The following SOX7 variants were observed in gnomAD, a reference collection of about 807,000 sequenced individuals.
The protein encoded by SOX7 is SRY-box transcription factor 7.
In SOX7, 19 loss-of-function variants were observed where a neutral mutation model predicts 24.9. The observed-to-expected ratio is 0.76, with a 90% confidence interval of 0.53 to 1.12. SOX7 has a LOEUF of 1.12. Among genes scored for constraint, SOX7 ranks in the 50% most tolerant of loss-of-function variants. SOX7 has a pLI of 0.00. For missense variants in SOX7, 702 were observed against 535.0 expected, an observed-to-expected ratio of 1.31 and a Z score of -3.08; for synonymous variants, 327 against 244.5, an observed-to-expected ratio of 1.34 and a Z score of -3.15.
At position 10,730,330 on chromosome 8, in the gene SOX7, G is replaced by T; in HGVS notation, c.104C>A (p.Pro35His). Residue 35 changes from proline to histidine, a missense_variant, in exon 1 of 2, where the codon CCC becomes CAC. Coordinates refer to ENST00000304501, the MANE Select transcript of SOX7 (RefSeq NM_031439.4). The surrounding 1 kb of genome is among the most constrained non-coding windows in gnomAD (Gnocchi z 4.8). ...DGQSPPAVPR[P>H]PGDKGSESRI... is the part of the protein sequence containing the mutation. ...GCTCTCGGAGCCCTTGTCCCCCGGG[G>T]GCCGGGGGACGGCCGGCGGCGATTG... The T allele has an allele frequency of 1.3e-6, 2 of 1,568,758 alleles. No individual in the cohort carries two copies. The highest frequency in any genetic ancestry group is 2.5e-5 in the East Asian group (1 of 40,174).
At position 10,725,877 on chromosome 8, in the gene SOX7, T is replaced by C; in HGVS notation, c.1028A>G (p.Asp343Gly). The change falls in exon 2 of 2, where the codon GAC (aspartate) becomes GGC (glycine). Residue 343 changes from aspartate to glycine, a missense_variant. Coordinates refer to ENST00000304501, the MANE Select transcript of SOX7 (RefSeq NM_031439.4). Reference protein sequence around the residue: ...DQYLNTPGHPDSATGAMALSG... With the variant: ...DQYLNTPGHPGSATGAMALSG... ...GAGGGCCATGGCCCCTGTGGCGGAG[T>C]CTGGGTGGCCAGGAGTGTTCAAATA... The C allele has an allele frequency of 1.2e-6, 2 of 1,613,886 alleles. No homozygotes were observed. Among genetic ancestry groups the C allele is most frequent in the Non-Finnish European group, 8.5e-7 (1 of 1,179,998 alleles).
chr8:10,730,261 T>C lies in SOX7; in HGVS notation c.173A>G (p.Asp58Gly), dbSNP rs1255040447. 1 of 1,580,122 alleles carries C rather than the reference T, an allele frequency of 6.3e-7. No individual in the cohort carries two copies. The change falls in exon 1 of 2, where the codon GAC becomes GGC. Residue 58 changes from aspartate (D) to glycine (G), a missense_variant. Physicochemically the swap from Asp to Gly is moderately conservative, Grantham distance 94 (BLOSUM62 -1). Transcript: ENST00000304501. This position sits in a 1 kb window ranked among gnomAD's most constrained non-coding sequence, Gnocchi z 4.8. The stretch of plus-strand genomic sequence containing the variant: ...CTGCACTGCCAGCCGTTTCCTCTCG[T>C]CCTTGGCCCAAACCATGAAGGCGTT... ...PMNAFMVWAKDERKRLAVQNP... is the reference protein window; with the variant it reads ...PMNAFMVWAKGERKRLAVQNP...
In SOX7 at chr8:10,726,401, G is replaced by A. The variant is rs777862598; in HGVS notation, c.504C>T (p.Gly168=). The change falls in exon 2 of 2, where the codon GGC becomes GGT. Residue 168 remains glycine, a synonymous_variant. Coordinates refer to ENST00000304501, the MANE Select transcript of SOX7 (RefSeq NM_031439.4). ...EKEDRGEYSP[G]TALPSLRGCY... ...AGCCCCGGAGGCTGGGCAGGGCAGT[G>A]CCGGGGGAGTACTCACCCCTGTCCT... 6.2e-7 allele frequency: 1 copy of A among 1,612,208 alleles called. No homozygotes were observed.
chr8:10,728,347 G>A (rs771066454), intron 1 of SOX7, among the ~76,000 whole-genome samples: 3 of 152,168 alleles, frequency 2.0e-5, no homozygotes, highest in Admixed American at 6.5e-5. Context: ...GGTTTGGAAG[G>A]TTTATAGTGG....
intron 1 of SOX7, among the ~76,000 whole-genome samples, chr8:10,729,902 C>A (rs1459413340): frequency 6.6e-6 from 1 of 152,142 alleles, no homozygotes; most frequent in Admixed American, 6.5e-5. Context: ...GGCCTGGCCG[C>A]TGCCCCGTCT....
In SOX7 at chr8:10,726,766, C is replaced by T. The variant is rs1355121327; in HGVS notation, c.239-100G>A. 6 of 1,084,022 alleles carry T rather than the reference C, an allele frequency of 5.5e-6. No homozygotes were observed. In the African/African-American group the frequency reaches 9.5e-5, roughly 17 times the overall value. The allele number at this position is 1,084,022 out of a possible 1,614,324, so 67.2% of individuals were successfully genotyped here. The stretch of plus-strand genomic sequence containing the variant: ...CACACGTGCACATGCACACACACCT[C>T]CCTTCCCCCTCCCAGCCACAGAGGA... On this transcript the variant is annotated intron_variant, in intron 1 of 1. Transcript: ENST00000304501.
chr8:10,726,008 G>A lies in SOX7; in HGVS notation c.897C>T (p.His299=). The change falls in exon 2 of 2, where the codon CAC becomes CAT. Residue 299 remains histidine (H), a synonymous_variant. Coordinates refer to ENST00000304501, the MANE Select transcript of SOX7 (RefSeq NM_031439.4). ...CAGGAGGCGGGGAAAGCTGGCCCAG[G>A]TGGGCTTGGAGGTTGGAGTGGAGTG... ...YHPLHSNLQA[H]LGQLSPPPEH... The A allele has an allele frequency of 6.3e-7, 1 of 1,590,526 alleles. No homozygotes were observed. Among genetic ancestry groups the A allele is most frequent in the East Asian group, 2.2e-5 (1 of 44,696 alleles).
In SOX7 at chr8:10,726,310, A is replaced by G; in HGVS notation, c.595T>C (p.Tyr199His). 6.2e-7 allele frequency: 1 copy of G among 1,613,652 alleles called. No homozygotes were observed. Among genetic ancestry groups the G allele is most frequent in the Non-Finnish European group, 8.5e-7 (1 of 1,179,932 alleles). ...GTPSSVDTYP[Y>H]GLPTPPEMSP... ...ATTTCAGGAGGTGTGGGCAGCCCGT[A>G]CGGGTACGTGTCCACACTGCTCGGG... is the stretch of plus-strand genomic sequence containing the variant. The change falls in exon 2 of 2, where the codon TAC (tyrosine) becomes CAC (histidine). Residue 199 changes from tyrosine (Y) to histidine (H), a missense_variant. Transcript: ENST00000304501.
chr8:10,727,598 C>T (rs1289879242), intron 1 of SOX7, among the ~76,000 whole-genome samples: 1 of 152,230 alleles, frequency 6.6e-6, no homozygotes, highest in Admixed American at 6.5e-5. Flanking sequence ...TTCTATTCAC[C>T]ATTGCTTGCT....
At chr8:10,729,082 C>A (rs943233281) in intron 1 of SOX7, among the ~76,000 whole-genome samples, 35 of 152,154 alleles carry the variant, frequency 2.3e-4, no homozygotes, top group Non-Finnish European at 7.3e-5. Flanking sequence ...ACTCCATCAA[C>A]TGCTTTGCAC....
chr8:10,726,417 C>G lies in SOX7; in HGVS notation c.488G>C (p.Gly163Ala), dbSNP rs774008580. 8.2e-5 allele frequency: 133 copies of G among 1,612,150 alleles called. No individual in the cohort carries two copies. Among genetic ancestry groups the G allele is most frequent in the Non-Finnish European group, 6.8e-6 (8 of 1,179,518 alleles). ...RGALGEKEDRGEYSPGTALPS... is the reference protein window; with the variant it reads ...RGALGEKEDRAEYSPGTALPS... ...CAGGGCAGTGCCGGGGGAGTACTCA[C>G]CCCTGTCCTCCTTCTCCCCCAGCGC... The change falls in exon 2 of 2, where the codon GGT becomes GCT. Residue 163 changes from glycine to alanine, a missense_variant. Physicochemically the swap from Gly to Ala is moderately conservative, Grantham distance 60. Coordinates refer to ENST00000304501, the MANE Select transcript of SOX7 (RefSeq NM_031439.4).
Position 10,730,478 on chromosome 8 carries a change from G to C in SOX7, c.-45C>G. ...CGCTTCGCCTGGCGGGGCAGGCGCG[G>C]ACCTGGCCCTCGCACGGGTCGGGGC... On this transcript the variant is annotated 5_prime_UTR_variant, in exon 1 of 2. Coordinates refer to ENST00000304501, the MANE Select transcript of SOX7 (RefSeq NM_031439.4). This position sits in a 1 kb window ranked among gnomAD's most constrained non-coding sequence, Gnocchi z 4.8. 3.7e-6 allele frequency: 5 copies of C among 1,342,554 alleles called. No homozygotes were observed. The East Asian group carries it at 9.3e-5, about 25-fold the overall frequency. 83.2% of individuals were successfully genotyped at this position (1,342,554 alleles called of 1,614,324 possible). A position where few individuals can be genotyped will look rare whatever the true frequency, so the allele number is the denominator to read the frequency against.
In SOX7 at chr8:10,730,462, T is replaced by A; in HGVS notation, c.-29A>T. 1 of 1,413,086 alleles carries A rather than the reference T, an allele frequency of 7.1e-7. No homozygotes were observed. Among genetic ancestry groups the A allele is most frequent in the Non-Finnish European group, 9.2e-7 (1 of 1,084,924 alleles). 87.5% of individuals were successfully genotyped at this position (1,413,086 alleles called of 1,614,324 possible). A position where few individuals can be genotyped will look rare whatever the true frequency, so the allele number is the denominator to read the frequency against. On this transcript the variant is annotated 5_prime_UTR_variant, in exon 1 of 2. Coordinates refer to ENST00000304501, the MANE Select transcript of SOX7 (RefSeq NM_031439.4). This position sits in a 1 kb window ranked among gnomAD's most constrained non-coding sequence, Gnocchi z 4.8. ...CGCACGCGGGTCGCCTCGCTTCGCC[T>A]GGCGGGGCAGGCGCGGACCTGGCCC...
In SOX7 at chr8:10,726,313, G is replaced by C; in HGVS notation, c.592C>G (p.Pro198Ala). 6.2e-7 allele frequency: 1 copy of C among 1,613,680 alleles called. No homozygotes were observed. Among genetic ancestry groups the C allele is most frequent in the East Asian group, 2.2e-5 (1 of 44,858 alleles). The change falls in exon 2 of 2, where the codon CCG (proline) becomes GCG (alanine). Residue 198 changes from proline to alanine, a missense_variant. Physicochemically the swap from Pro to Ala is conservative, Grantham distance 27. Coordinates refer to ENST00000304501, the MANE Select transcript of SOX7 (RefSeq NM_031439.4). Reference protein sequence around the residue: ...GGTPSSVDTYPYGLPTPPEMS... With the variant: ...GGTPSSVDTYAYGLPTPPEMS... ...TCAGGAGGTGTGGGCAGCCCGTACGGGTACGTGTCCACACTGCTCGGGGTG... is the reference window on the plus strand; with the variant it reads ...TCAGGAGGTGTGGGCAGCCCGTACGCGTACGTGTCCACACTGCTCGGGGTG...
At chr8:10,729,957 G>A (rs934099277) in intron 1 of SOX7, among the ~76,000 whole-genome samples, 2 of 152,056 alleles carry the variant, frequency 1.3e-5, no homozygotes, top group South Asian at 4.1e-4. Flanking sequence ...CCCAGCAGAG[G>A]AGCCTCCCTG....
chr8:10,730,172 C>G lies in SOX7; in HGVS notation c.238+24G>C. 1 of 1,484,844 alleles carries G rather than the reference C, an allele frequency of 6.7e-7. No individual in the cohort carries two copies. The highest frequency in any genetic ancestry group is 8.9e-7 in the Non-Finnish European group (1 of 1,122,948). The allele number at this position is 1,484,844 out of a possible 1,614,324, so 92.0% of individuals were successfully genotyped here. On this transcript the variant is annotated intron_variant, in intron 1 of 1. Coordinates refer to ENST00000304501, the MANE Select transcript of SOX7 (RefSeq NM_031439.4). This position sits in a 1 kb window ranked among gnomAD's most constrained non-coding sequence, Gnocchi z 4.8. ...CCGCCGCCCGCCCCCGGCCCCCAGC[C>G]CGCTCGGCCGCGCGCTCACTCACCC...
rs1379372391 is a variant in SOX7 at position 10,726,320 on chromosome 8, G to A, written c.585C>T (p.Asp195=). The A allele has an allele frequency of 2.5e-6, 4 of 1,613,528 alleles. 1 individual carries two copies. The South Asian group carries it at 3.3e-5, about 13-fold the overall frequency. The change falls in exon 2 of 2, where the codon GAC becomes GAT. Residue 195 remains aspartate, a synonymous_variant. Transcript: ENST00000304501. ...GGGGGTPSSV[D]TYPYGLPTPP... ...GTGTGGGCAGCCCGTACGGGTACGT[G>A]TCCACACTGCTCGGGGTGCCGCCGC...
In SOX7 at chr8:10,725,776, C is replaced by T. The variant is rs752967574; in HGVS notation, c.1129G>A (p.Ala377Thr). ...TAGCTGTTGTAGTACGTGGCCGTGG[C>T]ATCAGCCAGGACGGAGATGAGGCTG... ...ETSLISVLAD[A>T]TATYYNSYSV... The change falls in exon 2 of 2, where the codon GCC becomes ACC. Residue 377 changes from alanine to threonine, a missense_variant. Coordinates refer to ENST00000304501, the MANE Select transcript of SOX7 (RefSeq NM_031439.4). 1 of 1,614,158 alleles carries T rather than the reference C, an allele frequency of 6.2e-7. No homozygotes were observed. Among genetic ancestry groups the T allele is most frequent in the South Asian group, 1.1e-5 (1 of 91,072 alleles).
intron 1 of SOX7, among the ~76,000 whole-genome samples, chr8:10,727,542 C>T (rs1012440008): frequency 5.9e-5 from 9 of 152,210 alleles, no homozygotes; most frequent in African/African-American, 1.9e-4. Flanking sequence ...AAAAATTATT[C>T]CATGCTTGCA....
Sources: gnomAD v4.1 joint callset for allele counts (sites outside exome capture counted in the v4.1 genomes callset) on GRCh38, gnomAD v4.1.1 for gene constraint, Gnocchi (gnomAD v3.1) non-coding constraint, MANE v1.5 for transcripts, NCBI Gene and HGNC (gene_info 2026-07-23, HGNC 2026-07-21) for gene names.